The following SAMSN1 variants were observed in gnomAD, a reference collection of about 807,000 sequenced individuals.
The protein encoded by SAMSN1 is SAM domain-containing protein SAMSN-1.
In SAMSN1, 31 loss-of-function variants were observed where a neutral mutation model predicts 42.0. That is an observed-to-expected ratio of 0.74 (90% CI 0.55 to 1.00). SAMSN1 has a LOEUF of 1.00. Ranked by LOEUF, SAMSN1 falls within the 50% of genes least tolerant of loss-of-function variation. The probability of loss-of-function intolerance (pLI) is 0.00; values close to 1 mark genes in which losing one functional copy is unlikely to be tolerated. For synonymous variants in SAMSN1, 178 were observed against 151.9 expected (o/e 1.17, Z -1.26); for missense variants, 464 against 439.4 (o/e 1.06, Z -0.50).
intron 5 of SAMSN1, among the ~76,000 whole-genome samples, chr21:14,604,136 T>C (rs1982507412): frequency 6.6e-6 from 1 of 152,224 alleles, no homozygotes; most frequent in Non-Finnish European, 1.5e-5. Context: ...TATTTATGAT[T>C]CCCAAATATT....
At position 14,564,124 on chromosome 21, in the gene SAMSN1, A is replaced by C. The variant is rs115974298; in HGVS notation, c.261+18012T>G. On this transcript the variant is annotated intron_variant, in intron 2 of 8. Coordinates refer to the SAMSN1 transcript ENST00000285670. Reference sequence around the variant, plus strand: ...TTACACTATCTGGATTTTTAAAATGAGTAATGTCTGGTTCTGAACCCATGC... The same window carrying C: ...TTACACTATCTGGATTTTTAAAATGCGTAATGTCTGGTTCTGAACCCATGC... Among the ~76,000 whole-genome samples, 1,164 of 152,306 alleles carry C rather than the reference A, an allele frequency of 7.6e-3. 12 individuals carry two copies. Among genetic ancestry groups the C allele is most frequent in the African/African-American group, 0.025 (1,043 of 41,578 alleles).
intron 2 of SAMSN1, among the ~76,000 whole-genome samples, chr21:14,520,453 T>G (rs1978383512): frequency 6.6e-6 from 1 of 152,224 alleles, no homozygotes. Context: ...GTAGAAATAC[T>G]CAGGAAATTT....
At chr21:14,532,606 T>C (rs1361435183) in intron 1 of SAMSN1, among the ~76,000 whole-genome samples, 1 of 152,202 alleles carries the variant, frequency 6.6e-6, no homozygotes, top group Non-Finnish European at 1.5e-5. Context: ...GAAACTCAGT[T>C]TATAATCACT....
intron 1 of SAMSN1, among the ~76,000 whole-genome samples, chr21:14,538,333 G>A (rs1979770385): frequency 6.6e-6 from 1 of 152,122 alleles, no homozygotes; most frequent in South Asian, 2.1e-4. Flanking sequence ...AGAGTAGGAG[G>A]AGAGAGACAC....
intron 2 of SAMSN1, among the ~76,000 whole-genome samples, chr21:14,581,656 G>A (rs919047744): frequency 1.3e-5 from 2 of 151,602 alleles, no homozygotes; most frequent in Admixed American, 1.3e-4. Context: ...CACCGTGCCT[G>A]GCCAAAAATA....
intron 2 of SAMSN1, among the ~76,000 whole-genome samples, chr21:14,562,311 G>A (rs374911031): frequency 6.4e-4 from 98 of 152,012 alleles, no homozygotes; most frequent in African/African-American, 1.7e-3. Flanking sequence ...AAACTTCCTC[G>A]GTGTTTTCCT....
chr21:14,546,147 G>A (rs969798359), intron 1 of SAMSN1, 58 bp downstream of exon 1: 1 of 1,436,148 alleles, frequency 7.0e-7, no homozygotes, highest in South Asian at 1.2e-5. Context: ...ACACACATAT[G>A]TGTTTATTTT....
chr21:14,646,631 T>G lies in SAMSN1; in HGVS notation c.25-3498A>C, dbSNP rs544834710. Among the ~76,000 whole-genome samples the G allele has an allele frequency of 2.0e-5, 3 of 152,236 alleles. No homozygotes were observed. The East Asian group carries it at 5.8e-4, about 29-fold the overall frequency. On this transcript the variant is annotated intron_variant, in intron 1 of 15. Transcript: ENST00000647101. ...AGACATATACAGAATATTATAACAC[T>G]GTAACTGTGGTGTGTAAAATAATCT... is the stretch of plus-strand genomic sequence containing the variant.
intron 1 of SAMSN1, chr21:14,658,614 G>T: frequency 1.6e-6 from 1 of 611,420 alleles, no homozygotes; most frequent in Non-Finnish European, 3.0e-6. Flanking sequence ...ACTGTTCTTT[G>T]TGATGTGAAC....
At chr21:14,646,920 T>A (rs187366218) in intron 1 of SAMSN1, among the ~76,000 whole-genome samples, 1 of 152,122 alleles carries the variant, frequency 6.6e-6, no homozygotes, top group East Asian at 1.9e-4. Context: ...ACAATGAATA[T>A]ACAAGAATTA....
chr21:14,541,533 TTTG>T (rs1980033414), intron 1 of SAMSN1, among the ~76,000 whole-genome samples: 1 of 152,288 alleles, frequency 6.6e-6, no homozygotes, highest in South Asian at 2.1e-4. Context: ...TGTTTGTTTG[TTTG>T]TTTTTAGCTC....
intron 2 of SAMSN1, among the ~76,000 whole-genome samples, chr21:14,629,634 C>T (rs766675623): frequency 1.3e-5 from 2 of 152,196 alleles, no homozygotes; most frequent in Non-Finnish European, 2.9e-5. Flanking sequence ...CACAGCCTCT[C>T]ATCGCAGGGC....
At chr21:14,597,834 C>G (rs563173110) in intron 6 of SAMSN1, 1 of 152,286 alleles carries the variant, frequency 6.6e-6, no homozygotes, top group East Asian at 1.9e-4. Flanking sequence ...TGCTGACTTA[C>G]CAGGTATTAC....
chr21:14,594,140 A>G, intron 6 of SAMSN1: 1 of 632,084 alleles, frequency 1.6e-6, no homozygotes, highest in Non-Finnish European at 2.9e-6. Context: ...AAACAAAACA[A>G]AAAAACTCCA....
At chr21:14,633,570 C>T in intron 2 of SAMSN1, among the ~76,000 whole-genome samples, 1 of 152,054 alleles carries the variant, frequency 6.6e-6, no homozygotes, top group East Asian at 1.9e-4. Flanking sequence ...ATAAGTTATC[C>T]CAAGTTGAAA....
intron 7 of SAMSN1, among the ~76,000 whole-genome samples, chr21:14,591,003 T>C (rs533883888): frequency 6.6e-6 from 1 of 152,332 alleles, no homozygotes; most frequent in East Asian, 1.9e-4. Flanking sequence ...CAGAGGTTTA[T>C]TTTATTGCTT....
chr21:14,593,448 A>T (rs951664341), intron 7 of SAMSN1, among the ~76,000 whole-genome samples: 1 of 152,130 alleles, frequency 6.6e-6, no homozygotes, highest in African/African-American at 2.4e-5. Context: ...TGTCCTTTCC[A>T]TGAACTTCTG....
intron 7 of SAMSN1, among the ~76,000 whole-genome samples, chr21:14,488,664 A>T (rs1986544977): frequency 6.6e-6 from 1 of 152,150 alleles, no homozygotes; most frequent in Non-Finnish European, 1.5e-5. Context: ...AATTCTAGGA[A>T]TGGTTTTGTT....
intron 2 of SAMSN1, among the ~76,000 whole-genome samples, chr21:14,562,199 A>T (rs1271222606): frequency 1.3e-5 from 2 of 152,386 alleles, no homozygotes; most frequent in Non-Finnish European, 2.9e-5. Context: ...ATGTGGTTAG[A>T]TAAAAGGCAC....
Sources: allele counts gnomAD v4.1 joint callset (sites outside exome capture counted in the v4.1 genomes callset), GRCh38; gene constraint gnomAD v4.1.1; transcripts MANE v1.5; gene names NCBI Gene and HGNC (gene_info 2026-07-23, HGNC 2026-07-21).